The following SBF2 variants were observed in gnomAD, a reference collection of about 807,000 sequenced individuals.
SBF2 encodes myotubularin-related protein 13.
SBF2 carries 112 observed loss-of-function variants against 225.2 expected under a neutral mutation model. The ratio of observed to expected loss-of-function variants is 0.50; its 90% confidence interval spans 0.43 to 0.58. SBF2 has a LOEUF of 0.58. Ranked by LOEUF, SBF2 falls within the 20% of genes least tolerant of loss-of-function variation. SBF2 has a pLI of 0.00. For missense variants in SBF2, 1,996 were observed against 2,206.2 expected (o/e 0.90, Z 1.91); for synonymous variants, 763 against 773.3 (o/e 0.99, Z 0.22).
At chr11:10,133,321 G>C (rs1954170655) in intron 2 of SBF2, among the ~76,000 whole-genome samples, 1 of 149,536 alleles carries the variant, frequency 6.7e-6, no homozygotes, top group African/African-American at 2.5e-5. Flanking sequence ...TCAGCCCTTG[G>C]GTGGTCGATG....
intron 1 of SBF2, among the ~76,000 whole-genome samples, chr11:10,289,019 C>G (rs1963984628): frequency 1.3e-5 from 2 of 152,226 alleles, no homozygotes; most frequent in African/African-American, 4.8e-5. Flanking sequence ...TACCTGCAGG[C>G]CAGCACCAAA....
intron 2 of SBF2, among the ~76,000 whole-genome samples, chr11:10,120,476 A>C (rs1208232598): frequency 1.3e-5 from 2 of 152,186 alleles, no homozygotes; most frequent in African/African-American, 4.8e-5. Flanking sequence ...AGTAAATATA[A>C]TTTTTTTAAT....
chr11:9,893,175 G>T (rs981549122), intron 17 of SBF2, among the ~76,000 whole-genome samples: 2 of 152,198 alleles, frequency 1.3e-5, no homozygotes, highest in Non-Finnish European at 2.9e-5. Context: ...ATACTGGCTG[G>T]ACAGTATGAG....
chr11:9,792,145 GACTC>G (rs750927549), intron 33 of SBF2, among the ~76,000 whole-genome samples: 2 of 152,088 alleles, frequency 1.3e-5, no homozygotes, highest in Non-Finnish European at 2.9e-5. Context: ...TAAAAATTAT[GACTC>G]AGCGTGGTGC....
chr11:9,867,189 A>T (rs1858295067), intron 17 of SBF2, among the ~76,000 whole-genome samples: 1 of 152,210 alleles, frequency 6.6e-6, no homozygotes, highest in Non-Finnish European at 1.5e-5. Flanking sequence ...CCCATTTTCC[A>T]TAAAGTGATT....
intron 17 of SBF2, among the ~76,000 whole-genome samples, chr11:9,862,993 T>C (rs1645060028): frequency 6.6e-6 from 1 of 152,174 alleles, no homozygotes; most frequent in South Asian, 2.1e-4. Context: ...TTACATTTCA[T>C]AATAATTTTT....
intron 2 of SBF2, among the ~76,000 whole-genome samples, chr11:10,171,625 T>C (rs972843606): frequency 2.0e-5 from 3 of 152,218 alleles, no homozygotes; most frequent in African/African-American, 7.2e-5. Flanking sequence ...TTGCCTGGTT[T>C]TGGCATCATA....
intron 29 of SBF2, 110 bp downstream of exon 29, chr11:9,816,730 T>C (rs1854476445): frequency 2.0e-6 from 2 of 1,003,208 alleles, no homozygotes; most frequent in African/African-American, 3.3e-5. Flanking sequence ...AACTCCAGGT[T>C]AAGAATCATG....
intron 17 of SBF2, among the ~76,000 whole-genome samples, chr11:9,882,607 G>C (rs1273726803): frequency 6.6e-6 from 1 of 151,976 alleles, no homozygotes; most frequent in Admixed American, 6.6e-5. Context: ...AGGAGATCGA[G>C]ACCATCCTGG....
chr11:10,107,815 T>C (rs117935836), intron 2 of SBF2, among the ~76,000 whole-genome samples: 2 of 152,180 alleles, frequency 1.3e-5, no homozygotes, highest in South Asian at 2.1e-4. Context: ...TCAATTACAT[T>C]TGCAAAGATG....
rs201577791 is a variant in SBF2 at position 10,087,103 on chromosome 11, C to CT, written c.142-44123dup. ...ACTGGAGACCACTTAGCCATTTTGTCTTTTTTTTTGTTTGTTGTGTAGGTC... is the reference window on the plus strand; with the variant it reads ...ACTGGAGACCACTTAGCCATTTTGTCTTTTTTTTTTGTTTGTTGTGTAGGTC... On this transcript the variant is annotated intron_variant, in intron 2 of 39. Transcript: ENST00000256190. Among the ~76,000 whole-genome samples the CT allele has an allele frequency of 1.6e-3, 240 of 151,490 alleles. 1 individual carries two copies. Among genetic ancestry groups the CT allele is most frequent in the African/African-American group, 5.2e-3 (215 of 41,322 alleles).
intron 26 of SBF2, among the ~76,000 whole-genome samples, chr11:9,835,631 CAAA>C (rs58436467): frequency 4.8e-5 from 3 of 62,128 alleles, no homozygotes; most frequent in Admixed American, 2.1e-4. Context: ...GACCTTGTCT[CAAA>C]AAAAAAAAAA....
rs537618261 is a variant in SBF2, at chr11:9,820,221, A to G, written c.3794-3197T>C. Among the ~76,000 whole-genome samples, 6 of 152,340 alleles carry G rather than the reference A, an allele frequency of 3.9e-5. No individual in the cohort carries two copies. In the South Asian group the frequency reaches 1.2e-3, roughly 32 times the overall value. ...TAGTAGTATTAAGTTATAAAATGCA[A>G]AAGTGTATAACATATGACATAACAA... On this transcript the variant is annotated intron_variant, in intron 28 of 39. Transcript: ENST00000256190.
At chr11:9,934,734 G>A (rs1183206922) in intron 16 of SBF2, among the ~76,000 whole-genome samples, 1 of 152,066 alleles carries the variant, frequency 6.6e-6, no homozygotes, top group Non-Finnish European at 1.5e-5. Flanking sequence ...ATGCAGAAAA[G>A]GCCTTTGACA....
At chr11:10,263,664 T>C (rs1961661926) in intron 1 of SBF2, among the ~76,000 whole-genome samples, 1 of 152,136 alleles carries the variant, frequency 6.6e-6, no homozygotes. Context: ...TACTTAAGAA[T>C]AGAAGCCTTT....
At chr11:10,248,059 T>C (rs1366157967) in intron 1 of SBF2, among the ~76,000 whole-genome samples, 2 of 152,232 alleles carry the variant, frequency 1.3e-5, no homozygotes, top group Non-Finnish European at 2.9e-5. Context: ...CATAAGCTGC[T>C]TCTTTGACTT....
intron 14 of SBF2, among the ~76,000 whole-genome samples, chr11:9,967,971 C>CTCTCTCTCTCTCTCTCTATATA (rs1260685462): frequency 3.3e-5 from 3 of 91,508 alleles, no homozygotes; most frequent in African/African-American, 1.1e-4. Context: ...CTCTCTCTCT[C>CTCTCTCTCTCTCTCTCTATATA]TATATATATA....
At chr11:10,059,030 G>T (rs1337776691) in intron 2 of SBF2, among the ~76,000 whole-genome samples, 1 of 152,136 alleles carries the variant, frequency 6.6e-6, no homozygotes, top group East Asian at 1.9e-4. Context: ...AGAAAGGAAA[G>T]ACTTCTACCA....
chr11:10,173,964 G>A (rs1399740223), intron 2 of SBF2, among the ~76,000 whole-genome samples: 1 of 151,864 alleles, frequency 6.6e-6, no homozygotes, highest in African/African-American at 2.4e-5. Context: ...TCTGTTAGAA[G>A]GAAAACTAAC....
Sources: allele counts gnomAD v4.1 joint callset (sites outside exome capture counted in the v4.1 genomes callset), GRCh38; gene constraint gnomAD v4.1.1; transcripts MANE v1.5; gene names NCBI Gene and HGNC (gene_info 2026-07-23, HGNC 2026-07-21).